Variants in OSBPL10 observed in about 807,000 individuals in gnomAD.
OSBPL10 encodes the protein oxysterol-binding protein-related protein 10.
Under a neutral mutation model 81.7 loss-of-function variants are expected in OSBPL10, and 49 were observed. The observed-to-expected ratio is 0.60, with a 90% CI of 0.48 to 0.76. The LOEUF is 0.76. Among genes scored for constraint, OSBPL10 ranks in the 30% least tolerant of loss-of-function variants. OSBPL10 has a pLI of 0.00. For synonymous variants in OSBPL10, 419 were observed against 383.6 expected (o/e 1.09, Z -1.08); for missense variants, 923 against 987.8 (o/e 0.93, Z 0.88).
chr3:32,002,479 G>A (rs1699160758), intron 2 of OSBPL10, among the ~76,000 whole-genome samples: 1 of 152,264 alleles, frequency 6.6e-6, no homozygotes, highest in East Asian at 1.9e-4. Flanking sequence ...TTTAAGTCCT[G>A]GACTATGAAG....
intron 1 of OSBPL10, among the ~76,000 whole-genome samples, chr3:31,943,551 C>T (rs1326614154): frequency 6.6e-6 from 1 of 152,108 alleles, no homozygotes; most frequent in Non-Finnish European, 1.5e-5. Context: ...TCAGAATATT[C>T]CCTTAAAATC....
At chr3:31,695,877 T>G (rs1424844576) in intron 7 of OSBPL10, among the ~76,000 whole-genome samples, 1 of 148,668 alleles carries the variant, frequency 6.7e-6, no homozygotes, top group Non-Finnish European at 1.5e-5. Context: ...AGAGAGAAGG[T>G]TCACTTGATA....
intron 8 of OSBPL10, 150 bp from the exon 9 acceptor site, chr3:31,671,133 G>T: frequency 2.7e-6 from 2 of 742,432 alleles, no homozygotes; most frequent in Non-Finnish European, 4.2e-6. Context: ...TTCACTGTGG[G>T]CTCTACTGTG....
intron 4 of OSBPL10, among the ~76,000 whole-genome samples, chr3:31,825,468 T>A (rs1700077708): frequency 6.6e-6 from 1 of 152,122 alleles, no homozygotes; most frequent in South Asian, 2.1e-4. Context: ...ACTACAGGCA[T>A]GAGCCACCAC....
chr3:31,775,681 C>T (rs1698529283), intron 4 of OSBPL10, among the ~76,000 whole-genome samples: 1 of 151,768 alleles, frequency 6.6e-6, no homozygotes, highest in Non-Finnish European at 1.5e-5. Flanking sequence ...GAAGGAGGGA[C>T]GGTGGGGAAC....
At chr3:31,792,712 T>C (rs1450690381) in intron 4 of OSBPL10, among the ~76,000 whole-genome samples, 4 of 150,098 alleles carry the variant, frequency 2.7e-5, no homozygotes, top group Non-Finnish European at 5.9e-5. Flanking sequence ...GGTGTGTGTG[T>C]TTTACACTCT....
At chr3:31,828,464 GA>G (rs1456952383) in intron 4 of OSBPL10, among the ~76,000 whole-genome samples, 5 of 152,146 alleles carry the variant, frequency 3.3e-5, no homozygotes, top group African/African-American at 1.2e-4. Flanking sequence ...AAAATGAAAA[GA>G]AATATAAACC....
intron 3 of OSBPL10, among the ~76,000 whole-genome samples, chr3:31,857,982 T>A (rs1270019527): frequency 7.7e-6 from 1 of 130,446 alleles, no homozygotes; most frequent in African/African-American, 3.0e-5. Flanking sequence ...TCATGGTATA[T>A]CTTCCCCACA....
intron 3 of OSBPL10, among the ~76,000 whole-genome samples, chr3:31,868,402 C>A (rs1405299505): frequency 1.3e-5 from 2 of 151,998 alleles, no homozygotes; most frequent in East Asian, 3.9e-4. Flanking sequence ...AGGCAATCCC[C>A]GAGCTCCATC....
intron 3 of OSBPL10, among the ~76,000 whole-genome samples, chr3:31,867,675 G>A (rs1305377375): frequency 6.6e-6 from 1 of 151,654 alleles, no homozygotes; most frequent in African/African-American, 2.4e-5. Context: ...CCTGGGAGGC[G>A]GAGGTTGCAG....
intron 2 of OSBPL10, among the ~76,000 whole-genome samples, chr3:32,033,563 A>G (rs1182361916): frequency 6.6e-6 from 1 of 152,196 alleles, no homozygotes; most frequent in African/African-American, 2.4e-5. Context: ...ATTGTCAGCC[A>G]CAAGTGATAT....
At chr3:32,008,762 A>G (rs202099321) in intron 2 of OSBPL10, among the ~76,000 whole-genome samples, 16 of 62,452 alleles carry the variant, frequency 2.6e-4, no homozygotes, top group Non-Finnish European at 3.3e-4. Flanking sequence ...CCTGACTGGA[A>G]AAAAAAAAAA....
intron 1 of OSBPL10, among the ~76,000 whole-genome samples, chr3:31,931,014 C>CA (rs60251266): frequency 0.022 from 1,338 of 62,008 alleles, 71 homozygotes; most frequent in Non-Finnish European, 0.027. Context: ...GACTCGGTCT[C>CA]AAAAAAAAAA....
At chr3:32,020,558 G>T (rs1475832314) in intron 2 of OSBPL10, among the ~76,000 whole-genome samples, 1 of 152,044 alleles carries the variant, frequency 6.6e-6, no homozygotes, top group Non-Finnish European at 1.5e-5. Context: ...TTGACATTTG[G>T]ATTCTTTCCA....
chr3:31,677,984 G>C (rs1700525392), intron 8 of OSBPL10, among the ~76,000 whole-genome samples: 1 of 150,530 alleles, frequency 6.6e-6, no homozygotes, highest in Non-Finnish European at 1.5e-5. Context: ...GGGAGGCTGA[G>C]GCAGGAGAAT....
intron 10 of OSBPL10, 58 bp from the exon 11 acceptor site, chr3:31,664,290 G>A (rs909249137): frequency 3.3e-5 from 52 of 1,580,378 alleles, no homozygotes; most frequent in Middle Eastern, 2.3e-4. Flanking sequence ...GCAAGCTAAC[G>A]GAACTCTGCC....
At chr3:31,811,097 A>AG (rs1350009804) in intron 4 of OSBPL10, among the ~76,000 whole-genome samples, 1 of 150,670 alleles carries the variant, frequency 6.6e-6, no homozygotes, top group East Asian at 2.0e-4. Flanking sequence ...AACAGGAAAA[A>AG]GGCGCCTTCT....
intron 1 of OSBPL10, among the ~76,000 whole-genome samples, chr3:31,915,251 T>C (rs12634342): frequency 0.15 from 23,531 of 151,976 alleles, 2,071 homozygotes; most frequent in East Asian, 0.28. Context: ...GGTGGTTTCC[T>C]GGAGTTGTTC....
intron 1 of OSBPL10, among the ~76,000 whole-genome samples, chr3:31,969,021 A>C (rs1698481783): frequency 6.6e-6 from 1 of 152,192 alleles, no homozygotes; most frequent in Non-Finnish European, 1.5e-5. Context: ...GAGGCCACTA[A>C]ATGAGTCTGC....
Sources: allele counts gnomAD v4.1 joint callset (sites outside exome capture counted in the v4.1 genomes callset), GRCh38; gene constraint gnomAD v4.1.1; transcripts MANE v1.5; gene names NCBI Gene and HGNC (gene_info 2026-07-23, HGNC 2026-07-21).